The following ANAPC2 variants were observed in gnomAD, a reference collection of about 807,000 sequenced individuals.
ANAPC2 encodes anaphase-promoting complex subunit 2.
ANAPC2 carries 29 observed loss-of-function variants against 84.3 expected under a neutral mutation model. That is an observed-to-expected ratio of 0.34 (90% CI 0.26 to 0.47). The LOEUF is 0.47. Ranked by LOEUF, ANAPC2 falls within the 20% of genes least tolerant of loss-of-function variation. The pLI is 1.00. For synonymous variants in ANAPC2, 571 were observed against 479.4 expected, an observed-to-expected ratio of 1.19 and a Z score of -2.50; for missense variants, 857 against 1,131.7, an observed-to-expected ratio of 0.76 and a Z score of 3.48.
chr9:137,180,289 G>A lies in ANAPC2; in HGVS notation c.1782C>T (p.Val594=), dbSNP rs923425304. ...GCGGCCAGAACTCACTGGACAGGAT[G>A]ACAGCGTAGACCCCGAACGGTGGCT... ...EEQPPFGVYA[V]ILSSEFWPPF... The change falls in exon 10 of 13, where the codon GTC becomes GTT. Residue 594 remains valine (V), a synonymous_variant. Transcript: ENST00000323927. The A allele has an allele frequency of 6.2e-7, 1 of 1,613,680 alleles. No individual in the cohort carries two copies. The highest frequency in any genetic ancestry group is 8.5e-7 in the Non-Finnish European group (1 of 1,180,044).
Position 137,187,859 on chromosome 9 carries a change from C to A in ANAPC2, c.362G>T (p.Arg121Leu), listed in dbSNP as rs534459877. 6 of 1,613,488 alleles carry A rather than the reference C, an allele frequency of 3.7e-6. No individual in the cohort carries two copies. Among genetic ancestry groups the A allele is most frequent in the African/African-American group, 1.3e-5 (1 of 74,926 alleles). ...LLDAFGLLESRLDPYLRSLEL... is the reference protein window; with the variant it reads ...LLDAFGLLESLLDPYLRSLEL... ...TAGGCTACGCAGGTAGGGATCCAGG[C>A]GGCTCTCCAGCAGGCCAAAAGCGTC... The change falls in exon 2 of 13, where the codon CGC becomes CTC. Residue 121 changes from arginine to leucine, a missense_variant. Physicochemically the swap from Arg to Leu is moderately radical, Grantham distance 102. Coordinates refer to ENST00000323927, the MANE Select transcript of ANAPC2 (RefSeq NM_013366.4).
At chr9:137,184,581 A>C (rs961201598) in intron 4 of ANAPC2, among the ~76,000 whole-genome samples, 1 of 145,704 alleles carries the variant, frequency 6.9e-6, no homozygotes, top group African/African-American at 2.6e-5. Flanking sequence ...AGACGCAGAC[A>C]GAGCAGACAC....
intron 8 of ANAPC2, 61 bp downstream of exon 8, chr9:137,180,727 G>C: frequency 6.3e-7 from 1 of 1,589,284 alleles, no homozygotes; most frequent in African/African-American, 1.3e-5. Flanking sequence ...GCCCTGTCCC[G>C]AGAGAGGCTG....
chr9:137,180,861 C>T lies in ANAPC2; in HGVS notation c.1537G>A (p.Asp513Asn). 1 of 1,613,370 alleles carries T rather than the reference C, an allele frequency of 6.2e-7. No homozygotes were observed. The highest frequency in any genetic ancestry group is 8.5e-7 in the Non-Finnish European group (1 of 1,179,960). ...SLLVSIYGSKDLFINEYRSLL... is the reference protein window; with the variant it reads ...SLLVSIYGSKNLFINEYRSLL... ...GAGCGGTACTCATTGATGAAGAGGT[C>T]CTTGCTGCCGTAGATGCTGACCAGC... Residue 513 changes from aspartate (D) to asparagine (N), a missense_variant, in exon 8 of 13, where the codon GAC becomes AAC. Asp to Asn is a conservative substitution (Grantham distance 23). Transcript: ENST00000323927.
chr9:137,187,940 G>A lies in ANAPC2; in HGVS notation c.281C>T (p.Ala94Val). ...QANISPEFWN[A>V]ISQCENSADE... ...CGCAGAGTTCTCGCATTGGGAGATG[G>A]CATTCCAGAACTCAGGGGAGATGTT... Residue 94 changes from alanine to valine, a missense_variant, in exon 2 of 13, where the codon GCC becomes GTC. This residue lies in a region of ANAPC2 where 428 missense variants were observed against 513.8 expected (regional missense o/e 0.83). Transcript: ENST00000323927. 6.2e-7 allele frequency: 1 copy of A among 1,613,878 alleles called. No individual in the cohort carries two copies. Among genetic ancestry groups the A allele is most frequent in the Non-Finnish European group, 8.5e-7 (1 of 1,180,034 alleles).
At position 137,187,793 on chromosome 9, in the gene ANAPC2, C is replaced by T. The variant is rs371115530; in HGVS notation, c.428G>A (p.Gly143Asp). Residue 143 changes from glycine (G) to aspartate (D), a missense_variant, in exon 2 of 13, where the codon GGC becomes GAC. Gly to Asp is a moderately conservative substitution (Grantham distance 94, BLOSUM62 -1). This residue lies in a region of ANAPC2 where 428 missense variants were observed against 513.8 expected (regional missense o/e 0.83). Coordinates refer to ENST00000323927, the MANE Select transcript of ANAPC2 (RefSeq NM_013366.4). ...EKWTRLGLLM[G>D]TGAQGLREEV... ...TTCTCGCAGCCCCTGAGCACCAGTG[C>T]CCATCAGCAAGCCCAGGCGAGTCCA... is the stretch of plus-strand genomic sequence containing the variant. The T allele has an allele frequency of 1.9e-6, 3 of 1,613,568 alleles. No homozygotes were observed. The highest frequency in any genetic ancestry group is 2.5e-6 in the Non-Finnish European group (3 of 1,180,058).
intron 3 of ANAPC2, among the ~76,000 whole-genome samples, chr9:137,185,388 G>A (rs976866073): frequency 1.3e-5 from 2 of 152,242 alleles, no homozygotes; most frequent in Non-Finnish European, 2.9e-5. Context: ...TGTGCGCTGT[G>A]CCTGGTGGGC....
chr9:137,176,204 C>T (rs1255549069), intron 10 of ANAPC2: 3 of 176,060 alleles, frequency 1.7e-5, no homozygotes, highest in South Asian at 1.1e-4. Flanking sequence ...CACAGGCAGG[C>T]GGGGAGGGGG....
chr9:137,178,670 G>C (rs1564375533), intron 10 of ANAPC2, among the ~76,000 whole-genome samples: 1 of 152,096 alleles, frequency 6.6e-6, no homozygotes, highest in Non-Finnish European at 1.5e-5. Flanking sequence ...TCGAGGTGTG[G>C]GGATGGCCAG....
rs1437659238 is a variant in ANAPC2, at chr9:137,188,520, C to G, written c.13G>C (p.Val5Leu). MAAA[V>L]VVAEGDSDSR... ...TCGCTGTCCCCCTCCGCCACCACAA[C>G]TGCCGCCGCCATCTGCACCCACCGA... The change falls in exon 1 of 13, where the codon GTT becomes CTT. Residue 5 changes from valine (V) to leucine (L), a missense_variant. Physicochemically the swap from Val to Leu is conservative, Grantham distance 32 (BLOSUM62 1). Around this residue, in one of 3 missense-constraint regions of ANAPC2, gnomAD observed 428 missense variants for 513.8 expected, o/e 0.83. Coordinates refer to ENST00000323927, the MANE Select transcript of ANAPC2 (RefSeq NM_013366.4). The G allele has an allele frequency of 6.2e-7, 1 of 1,608,506 alleles. No individual in the cohort carries two copies. The highest frequency in any genetic ancestry group is 1.3e-5 in the African/African-American group (1 of 74,884).
chr9:137,175,150 A>G lies in ANAPC2; in HGVS notation c.2261T>C (p.Phe754Ser), dbSNP rs1473890012. 3 of 1,606,820 alleles carry G rather than the reference A, an allele frequency of 1.9e-6. No homozygotes were observed. The highest frequency in any genetic ancestry group is 1.3e-5 in the African/African-American group (1 of 74,784). The change falls in exon 13 of 13, where the codon TTC becomes TCC. Residue 754 changes from phenylalanine to serine, a missense_variant. Physicochemically the swap from Phe to Ser is radical, Grantham distance 155. Coordinates refer to ENST00000323927, the MANE Select transcript of ANAPC2 (RefSeq NM_013366.4). Reference sequence around the variant, plus strand: ...CAGCATGGCCTGGATGTACGTCCAGAAGAGCTGCGGACACAGGCCAGCCCC... The same window carrying G: ...CAGCATGGCCTGGATGTACGTCCAGGAGAGCTGCGGACACAGGCCAGCCCC... ...ADQKEEELLL[F>S]WTYIQAMLTN...
rs774829272 is a variant in ANAPC2 at position 137,183,778 on chromosome 9, G to A, written c.1062C>T (p.Ser354=). 5 of 1,613,276 alleles carry A rather than the reference G, an allele frequency of 3.1e-6. No homozygotes were observed. The highest frequency in any genetic ancestry group is 4.2e-6 in the Non-Finnish European group (5 of 1,179,892). The part of the protein sequence containing the change: ...LFSIVRDFPD[S]RPAIEDLKYC... Reference sequence around the variant, plus strand: ...ACTTGAGGTCCTCGATGGCTGGCCGGGAGTCTGGGAAGTCTACAAGAAGAA... The same window carrying A: ...ACTTGAGGTCCTCGATGGCTGGCCGAGAGTCTGGGAAGTCTACAAGAAGAA... Residue 354 remains serine, a synonymous_variant, in exon 5 of 13, where the codon TCC becomes TCT. Transcript: ENST00000323927.
At chr9:137,178,007 T>C (rs1834262270) in intron 10 of ANAPC2, among the ~76,000 whole-genome samples, 1 of 152,152 alleles carries the variant, frequency 6.6e-6, no homozygotes, top group African/African-American at 2.4e-5. Flanking sequence ...AAATGATATG[T>C]TTCTTTTAAG....
chr9:137,178,728 C>T (rs1047289358), intron 10 of ANAPC2, among the ~76,000 whole-genome samples: 1 of 151,894 alleles, frequency 6.6e-6, no homozygotes, highest in Non-Finnish European at 1.5e-5. Flanking sequence ...AGACCCTCCA[C>T]AAGCTGCAAG....
rs781421017 is a variant in ANAPC2 at position 137,175,858 on chromosome 9, C to A, written c.1891-21G>T. ...ATGGCCTAAGGAGGGCCAGGGTCAG[C>A]ACGGGCAGCTCGGCTGCAGGGCGCT... On this transcript the variant is annotated intron_variant, in intron 10 of 12. Transcript: ENST00000323927. The A allele has an allele frequency of 2.6e-5, 42 of 1,589,156 alleles. No homozygotes were observed. In the South Asian group the frequency reaches 3.5e-4, roughly 13 times the overall value.
At chr9:137,180,749 C>A in intron 8 of ANAPC2, 39 bp downstream of exon 8, 1 of 1,597,384 alleles carries the variant, frequency 6.3e-7, no homozygotes, top group South Asian at 1.1e-5. Context: ...GCAAAGGCCC[C>A]GGCACCCCTG....
In ANAPC2 at chr9:137,175,228, C is replaced by G. The variant is rs753904277; in HGVS notation, c.2256+9G>C. The G allele has an allele frequency of 6.2e-7, 1 of 1,610,736 alleles. No individual in the cohort carries two copies. The highest frequency in any genetic ancestry group is 8.5e-7 in the Non-Finnish European group (1 of 1,179,178). On this transcript the variant is annotated intron_variant, in intron 12 of 12. Coordinates refer to ENST00000323927, the MANE Select transcript of ANAPC2 (RefSeq NM_013366.4). ...GCCCCCTGGCCCCCCGTGGGGCCTGCACGCGCACCAGCAGCTCCTCCTCCT... is the reference window on the plus strand; with the variant it reads ...GCCCCCTGGCCCCCCGTGGGGCCTGGACGCGCACCAGCAGCTCCTCCTCCT...
intron 3 of ANAPC2, 30 bp downstream of exon 3, chr9:137,186,194 C>T (rs985789024): frequency 4.4e-6 from 7 of 1,606,828 alleles, no homozygotes; most frequent in South Asian, 3.3e-5. Flanking sequence ...CTGTCTCCAG[C>T]GGGGCACAGC....
At chr9:137,187,360 C>A in intron 2 of ANAPC2, 121 bp downstream of exon 2, 6 of 1,315,686 alleles carry the variant, frequency 4.6e-6, no homozygotes, top group Non-Finnish European at 6.2e-6. Context: ...GGGACTCTCT[C>A]TCTGTCATGT....
Sources: gnomAD v4.1 joint callset for allele counts (sites outside exome capture counted in the v4.1 genomes callset) on GRCh38, gnomAD v4.1.1 for gene constraint, gnomAD v4.1.1 regional missense constraint, MANE v1.5 for transcripts, NCBI Gene and HGNC (gene_info 2026-07-23, HGNC 2026-07-21) for gene names.